The following AGBL1 variants were observed in gnomAD, a reference collection of about 807,000 sequenced individuals.
AGBL1 encodes cytosolic carboxypeptidase 4.
A neutral mutation model predicts 118.9 loss-of-function variants in AGBL1; 130 were observed. The observed-to-expected ratio is 1.09, with a 90% CI of 0.95 to 1.26. The LOEUF (loss-of-function observed/expected upper bound fraction) is 1.26, where lower values mean the gene tolerates loss of function less well. Among genes scored for constraint, AGBL1 ranks in the 50% most tolerant of loss-of-function variants. AGBL1 has a pLI of 0.00. For synonymous variants in AGBL1, 555 were observed against 478.9 expected (o/e 1.16, Z -2.08); for missense variants, 1,584 against 1,298.1 (o/e 1.22, Z -3.38).
intron 22 of AGBL1, among the ~76,000 whole-genome samples, chr15:86,874,306 G>T (rs992197752): frequency 1.2e-4 from 18 of 151,842 alleles, no homozygotes; most frequent in African/African-American, 4.1e-4. Context: ...AAATTATGGT[G>T]CTATGCTTCT....
chr15:86,285,271 G>T (rs1213730835), intron 16 of AGBL1, among the ~76,000 whole-genome samples: 1 of 152,120 alleles, frequency 6.6e-6, no homozygotes, highest in African/African-American at 2.4e-5. Flanking sequence ...GGTCCAGCAG[G>T]AGGGAGATTT....
intron 22 of AGBL1, among the ~76,000 whole-genome samples, chr15:86,753,055 C>A (rs1387332926): frequency 6.6e-6 from 1 of 152,056 alleles, no homozygotes; most frequent in South Asian, 2.1e-4. Flanking sequence ...CTTGACAACT[C>A]TTTTCTTTTA....
intron 22 of AGBL1, among the ~76,000 whole-genome samples, chr15:86,803,609 C>T (rs2078678994): frequency 6.6e-6 from 1 of 152,066 alleles, no homozygotes; most frequent in African/African-American, 2.4e-5. Context: ...TTGCATCTCT[C>T]CTTGAGTTGT....
chr15:86,247,923 G>A (rs746518953), intron 7 of AGBL1, 44 bp downstream of exon 7: 1 of 1,591,542 alleles, frequency 6.3e-7, no homozygotes, highest in South Asian at 1.1e-5. Context: ...GGCCAGCTGG[G>A]TGATTCCTGA....
At chr15:86,938,990 C>T (rs954635149) in intron 23 of AGBL1, 12 of 152,356 alleles carry the variant, frequency 7.9e-5, no homozygotes, top group African/African-American at 2.6e-4. Flanking sequence ...GGGGGTGACC[C>T]ACATTCACTG....
At chr15:86,505,393 T>C (rs927120125) in intron 18 of AGBL1, among the ~76,000 whole-genome samples, 2 of 151,918 alleles carry the variant, frequency 1.3e-5, no homozygotes, top group Admixed American at 6.6e-5. Flanking sequence ...ATTTTGGAAC[T>C]CCTATTAGAT....
intron 1 of AGBL1, among the ~76,000 whole-genome samples, chr15:86,112,209 G>C (rs1396253167): frequency 6.6e-6 from 1 of 152,062 alleles, no homozygotes; most frequent in African/African-American, 2.4e-5. Context: ...CACCCACCCT[G>C]TCATGAAAAA....
chr15:86,252,975 G>C (rs990142264), intron 7 of AGBL1, among the ~76,000 whole-genome samples: 2 of 152,220 alleles, frequency 1.3e-5, no homozygotes, highest in African/African-American at 4.8e-5. Flanking sequence ...GAGTCGAAGA[G>C]CTGCTGTGTC....
chr15:86,323,138 T>G (rs1414471179), intron 17 of AGBL1, among the ~76,000 whole-genome samples: 2 of 150,570 alleles, frequency 1.3e-5, no homozygotes, highest in Non-Finnish European at 2.9e-5. Flanking sequence ...ATAGCACATT[T>G]TCTTTCTTAG....
intron 6 of AGBL1, among the ~76,000 whole-genome samples, chr15:86,235,560 C>T (rs1280104006): frequency 1.3e-5 from 2 of 152,152 alleles, no homozygotes; most frequent in Admixed American, 6.5e-5. Flanking sequence ...TCAGAAAGTA[C>T]ATCATGGCTT....
At chr15:86,815,665 C>G (rs752955623) in intron 22 of AGBL1, among the ~76,000 whole-genome samples, 1 of 152,022 alleles carries the variant, frequency 6.6e-6, no homozygotes, top group African/African-American at 2.4e-5. Flanking sequence ...TTGGTGGATT[C>G]AGTTTGTGGA....
At chr15:86,484,268 T>A (rs912249171) in intron 18 of AGBL1, among the ~76,000 whole-genome samples, 1 of 151,942 alleles carries the variant, frequency 6.6e-6, no homozygotes, top group East Asian at 1.9e-4. Flanking sequence ...ATAGAGGAGA[T>A]GAATGAAGCA....
intron 22 of AGBL1, among the ~76,000 whole-genome samples, chr15:86,888,476 G>A (rs551699210): frequency 1.3e-5 from 2 of 152,170 alleles, no homozygotes; most frequent in East Asian, 1.9e-4. Context: ...GATTCTTTGC[G>A]AGGTTTGTTA....
downstream of AGBL1, among the ~76,000 whole-genome samples, chr15:86,919,100 C>T (rs1199538490): frequency 6.6e-6 from 1 of 152,188 alleles, no homozygotes; most frequent in East Asian, 1.9e-4. Context: ...TCAATATCAG[C>T]TAGTTTCAAG....
At chr15:86,958,065 T>C (rs1056970383) in intron 23 of AGBL1, among the ~76,000 whole-genome samples, 1 of 151,750 alleles carries the variant, frequency 6.6e-6, no homozygotes, top group East Asian at 1.9e-4. Flanking sequence ...AATTAGCCGA[T>C]TGTGTGTCAT....
At chr15:86,114,349 C>T (rs1047933863) in intron 1 of AGBL1, among the ~76,000 whole-genome samples, 1 of 152,180 alleles carries the variant, frequency 6.6e-6, no homozygotes, top group African/African-American at 2.4e-5. Context: ...TCAGAGGTGT[C>T]ACTTCCAACT....
intron 18 of AGBL1, among the ~76,000 whole-genome samples, chr15:86,488,501 T>C (rs2082738568): frequency 6.6e-6 from 1 of 152,008 alleles, no homozygotes; most frequent in African/African-American, 2.4e-5. Flanking sequence ...ACCAGGACAT[T>C]AGACTCAGAT....
At chr15:86,740,170 G>A (rs920866931) in intron 22 of AGBL1, among the ~76,000 whole-genome samples, 1 of 152,178 alleles carries the variant, frequency 6.6e-6, no homozygotes, top group Non-Finnish European at 1.5e-5. Context: ...TCTTCTATCA[G>A]GGAAGAGTTG....
rs868282319 is a variant in AGBL1 at position 86,112,525 on chromosome 15, A to G, written c.52-29479A>G. 4.6e-5 allele frequency among the ~76,000 whole-genome samples: 7 copies of G among 152,154 alleles called. No individual in the cohort carries two copies. The East Asian group carries it at 5.8e-4, about 13-fold the overall frequency. On this transcript the variant is annotated intron_variant, in intron 1 of 22. Coordinates refer to ENST00000614907, the MANE Select transcript of AGBL1 (RefSeq NM_001386094.1). ...ACGTTAGACATTTAGAGTGTTTTCA[A>G]TTTTTCACGATTAGCAACAGTGATG...
Sources: gnomAD v4.1 joint callset for allele counts (sites outside exome capture counted in the v4.1 genomes callset) on GRCh38, gnomAD v4.1.1 for gene constraint, MANE v1.5 for transcripts, NCBI Gene and HGNC (gene_info 2026-07-23, HGNC 2026-07-21) for gene names.